The following RSPO2 variants were observed in gnomAD, a reference collection of about 807,000 sequenced individuals.
RSPO2 encodes R-spondin-2.
RSPO2 carries 14 observed loss-of-function variants against 30.9 expected under a neutral mutation model. That is an observed-to-expected ratio of 0.45 (90% CI 0.30 to 0.71). The LOEUF is 0.71. Among genes scored for constraint, RSPO2 ranks in the 30% least tolerant of loss-of-function variants. The pLI, the probability that RSPO2 is intolerant of heterozygous loss-of-function variation, is 0.08. For synonymous variants in RSPO2, 107 were observed against 96.4 expected (o/e 1.11, Z -0.64); for missense variants, 264 against 301.9 (o/e 0.87, Z 0.93).
At chr8:107,971,407 G>A (rs1484899983) in intron 3 of RSPO2, among the ~76,000 whole-genome samples, 2 of 152,152 alleles carry the variant, frequency 1.3e-5, no homozygotes, top group Non-Finnish European at 2.9e-5. Context: ...AGCTTTTAGA[G>A]TATCAGTTTG....
intron 5 of RSPO2, among the ~76,000 whole-genome samples, chr8:107,913,935 T>C (rs140056645): frequency 3.9e-4 from 60 of 152,300 alleles, no homozygotes; most frequent in African/African-American, 1.3e-3. Flanking sequence ...TCTATCAGTA[T>C]GTTCTTGTCA....
At chr8:107,991,387 A>T (rs1814843322) in intron 2 of RSPO2, among the ~76,000 whole-genome samples, 1 of 152,156 alleles carries the variant, frequency 6.6e-6, no homozygotes, top group Admixed American at 6.5e-5. Context: ...CTTATGCTAT[A>T]TATAAAAATT....
At chr8:107,968,341 C>T (rs923833491) in intron 3 of RSPO2, among the ~76,000 whole-genome samples, 2 of 152,008 alleles carry the variant, frequency 1.3e-5, no homozygotes, top group African/African-American at 4.8e-5. Context: ...TGAAATAAGC[C>T]AGGCACAGAA....
chr8:108,052,863 T>C (rs1812117458), intron 2 of RSPO2, among the ~76,000 whole-genome samples: 1 of 152,188 alleles, frequency 6.6e-6, no homozygotes, highest in Non-Finnish European at 1.5e-5. Flanking sequence ...GAAATATGAA[T>C]TTTATTGGTA....
At chr8:107,954,635 G>A (rs770312959) in intron 5 of RSPO2, among the ~76,000 whole-genome samples, 15 of 147,940 alleles carry the variant, frequency 1.0e-4, no homozygotes, top group South Asian at 2.1e-4. Flanking sequence ...ATTTTGAGAC[G>A]GAGTCCTGCT....
chr8:108,005,442 G>T (rs142050945), intron 2 of RSPO2, among the ~76,000 whole-genome samples: 1 of 152,176 alleles, frequency 6.6e-6, no homozygotes, highest in African/African-American at 2.4e-5. Context: ...GTTGTCGAAG[G>T]TGATTCTTTA....
rs1235025044 is a variant in RSPO2 at position 108,038,187 on chromosome 8, G to C, written c.94+44358C>G. Among the ~76,000 whole-genome samples the C allele has an allele frequency of 2.0e-5, 3 of 152,300 alleles. No individual in the cohort carries two copies. The East Asian group carries it at 5.8e-4, about 29-fold the overall frequency. On this transcript the variant is annotated intron_variant, in intron 2 of 5. Transcript: ENST00000276659. ...TATCAACATTATCAGGAGTTAAGTA[G>C]ATTCCAGCCCTCATGTATAACTTCA...
intron 2 of RSPO2, among the ~76,000 whole-genome samples, chr8:108,058,317 A>G (rs1281688073): frequency 6.6e-6 from 1 of 152,178 alleles, no homozygotes; most frequent in Non-Finnish European, 1.5e-5. Context: ...CTTCAAGGAG[A>G]ACTACAAACC....
At chr8:107,903,355 G>A (rs1440908603) in intron 5 of RSPO2, among the ~76,000 whole-genome samples, 1 of 152,058 alleles carries the variant, frequency 6.6e-6, no homozygotes, top group East Asian at 1.9e-4. Flanking sequence ...TCACAAGAAA[G>A]CTTCGTGTAA....
intron 2 of RSPO2, among the ~76,000 whole-genome samples, chr8:108,071,846 A>C (rs1812856630): frequency 6.6e-6 from 1 of 152,206 alleles, no homozygotes; most frequent in South Asian, 2.1e-4. Context: ...CCCAGAAGAC[A>C]TGACAAGTCA....
At chr8:107,916,396 C>T (rs1211617223) in intron 5 of RSPO2, among the ~76,000 whole-genome samples, 1 of 152,108 alleles carries the variant, frequency 6.6e-6, no homozygotes, top group African/African-American at 2.4e-5. Context: ...GCCTGATGGC[C>T]TAGACTCCAC....
At chr8:107,982,009 C>CAAAA (rs372977834) in intron 3 of RSPO2, among the ~76,000 whole-genome samples, 417 of 55,082 alleles carry the variant, frequency 7.6e-3, no homozygotes, top group Non-Finnish European at 8.5e-3. Flanking sequence ...ACAACAACAA[C>CAAAA]AAAAAAAAAA....
chr8:107,920,994 T>A (rs1408249006), intron 5 of RSPO2, among the ~76,000 whole-genome samples: 2 of 152,112 alleles, frequency 1.3e-5, no homozygotes, highest in African/African-American at 4.8e-5. Context: ...TTGATTCTTT[T>A]AATGCAATTA....
chr8:107,902,581 C>T (rs1278542016), intron 5 of RSPO2, among the ~76,000 whole-genome samples: 1 of 151,998 alleles, frequency 6.6e-6, no homozygotes, highest in Non-Finnish European at 1.5e-5. Context: ...CAGAGTCATA[C>T]AAGGTTAAGG....
chr8:107,908,642 A>G (rs1055716479), intron 5 of RSPO2, among the ~76,000 whole-genome samples: 3 of 152,126 alleles, frequency 2.0e-5, no homozygotes, highest in Admixed American at 1.3e-4. Flanking sequence ...CCCCCATTGG[A>G]GGCTTTTTAT....
chr8:107,943,611 CAACACAGAGTACACTGCTTCA>C (rs1310740058), intron 5 of RSPO2, among the ~76,000 whole-genome samples: 2 of 152,172 alleles, frequency 1.3e-5, no homozygotes, highest in African/African-American at 4.8e-5. Flanking sequence ...CTGGTAATGG[CAACACAGAGTACACTGCTTCA>C]AACACAGCTG....
At chr8:107,966,973 G>GC (rs1166448457) in intron 3 of RSPO2, among the ~76,000 whole-genome samples, 3 of 152,128 alleles carry the variant, frequency 2.0e-5, no homozygotes, top group Non-Finnish European at 4.4e-5. Flanking sequence ...GACTGCCTTA[G>GC]CACACCATGA....
At position 107,901,121 on chromosome 8, in the gene RSPO2, TG is replaced by T; in HGVS notation, c.685del (p.Gln229ArgfsTer8). 1.2e-6 allele frequency: 2 copies of T among 1,614,202 alleles called. No individual in the cohort carries two copies. Among genetic ancestry groups the T allele is most frequent in the Non-Finnish European group, 1.7e-6 (2 of 1,180,022 alleles). On this transcript the variant is annotated frameshift_variant, in exon 6 of 6. Transcript: ENST00000276659. LOFTEE classifies it high-confidence loss of function. ...AGCTAGGAAGACGCTGTGTTGCTCC[TG>T]GGCCCTTTCTATCAGCTTCCTTTTC... ...KKKRKLIERA[Q>X]EQHSVFLATD...
intron 3 of RSPO2, among the ~76,000 whole-genome samples, chr8:107,974,404 C>T (rs538371779): frequency 6.6e-6 from 1 of 151,808 alleles, no homozygotes; most frequent in South Asian, 2.1e-4. Flanking sequence ...GCCAGTTACT[C>T]GGGAGGCTGA....
Sources: gnomAD v4.1 joint callset for allele counts (sites outside exome capture counted in the v4.1 genomes callset) on GRCh38, gnomAD v4.1.1 for gene constraint, MANE v1.5 for transcripts, NCBI Gene and HGNC (gene_info 2026-07-23, HGNC 2026-07-21) for gene names.